The following STRADA variants were observed in gnomAD, a reference collection of about 807,000 sequenced individuals.
STRADA encodes STE20-related kinase adapter protein alpha.
Under a neutral mutation model 55.0 loss-of-function variants are expected in STRADA, and 26 were observed. The ratio of observed to expected loss-of-function variants is 0.47; its 90% CI spans 0.35 to 0.66. The LOEUF is 0.66. STRADA is among the 30% of genes least tolerant of loss of function. The pLI is 0.01. For synonymous variants in STRADA, 197 were observed against 210.9 expected (o/e 0.93, Z 0.57); for missense variants, 443 against 549.7 (o/e 0.81, Z 1.94).
At chr17:63,738,225 C>T (rs958342791) in intron 1 of STRADA, among the ~76,000 whole-genome samples, 3 of 150,600 alleles carry the variant, frequency 2.0e-5, no homozygotes, top group African/African-American at 7.3e-5. Flanking sequence ...CCTGTACTCC[C>T]AGCTACTTGG....
intron 1 of STRADA, among the ~76,000 whole-genome samples, chr17:63,730,276 T>C (rs914147600): frequency 1.3e-5 from 2 of 152,210 alleles, no homozygotes; most frequent in Non-Finnish European, 2.9e-5. Flanking sequence ...TATCAATGTA[T>C]TTTTCCATAC....
chr17:63,719,726 C>T (rs947261605), intron 4 of STRADA, among the ~76,000 whole-genome samples: 15 of 152,086 alleles, frequency 9.9e-5, no homozygotes, highest in African/African-American at 3.4e-4. Context: ...TCAGGTGATG[C>T]GCGCACCTCG....
Position 63,703,731 on chromosome 17 carries a change from C to T in STRADA, c.1164G>A (p.Glu388=). The change falls in exon 13 of 13, where the codon GAG becomes GAA. Residue 388 remains glutamate, a synonymous_variant. Transcript: ENST00000336174. ...CAGGACGAAGCAATTCGGGCAAAGC[C>T]TCTGAGGCACGTCGCTTGATCTGGG... ...FFKQIKRRAS[E]ALPELLRPVT... 1.2e-6 allele frequency: 2 copies of T among 1,614,136 alleles called. No homozygotes were observed. Among genetic ancestry groups the T allele is most frequent in the Non-Finnish European group, 1.7e-6 (2 of 1,179,996 alleles).
At chr17:63,708,013 C>T (rs539484678) in intron 8 of STRADA, among the ~76,000 whole-genome samples, 7 of 151,678 alleles carry the variant, frequency 4.6e-5, no homozygotes, top group Admixed American at 6.6e-5. Context: ...CTAGGATTAC[C>T]AGTGTGAACC....
intron 4 of STRADA, 83 bp from the exon 5 acceptor site, chr17:63,714,191 C>G: frequency 1.0e-6 from 1 of 977,262 alleles, no homozygotes; most frequent in Admixed American, 1.9e-5. Flanking sequence ...TTCAGACCCA[C>G]GAGGAGACTG....
At position 63,706,620 on chromosome 17, in the gene STRADA, G is replaced by A. The variant is rs139115897; in HGVS notation, c.858+15C>T. 1,556 of 1,601,794 alleles carry A rather than the reference G, an allele frequency of 9.7e-4. 8 individuals carry two copies. In the African/African-American group the frequency reaches 0.017, roughly 18 times the overall value. On this transcript the variant is annotated intron_variant, in intron 10 of 12. Transcript: ENST00000336174. ...GCAAGCAGGCAAGAAGGAAACCGAT[G>A]GGCGGCAGGCTTACCTGGGTGGCAG...
chr17:63,710,877 C>CCTTCAGTGCCATT, intron 6 of STRADA, 41 bp from the exon 7 acceptor site: 2 of 1,553,940 alleles, frequency 1.3e-6, no homozygotes, highest in Non-Finnish European at 1.8e-6. Context: ...CCAAATGGCA[C>CCTTCAGTGCCATT]TGAAGGATGC....
At chr17:63,739,862 T>C (rs1330762781) in intron 1 of STRADA, among the ~76,000 whole-genome samples, 2 of 147,534 alleles carry the variant, frequency 1.4e-5, no homozygotes, top group African/African-American at 4.9e-5. Context: ...CATAATTATA[T>C]GGCCCGGGAC....
intron 10 of STRADA, chr17:63,704,844 A>G: frequency 6.5e-7 from 1 of 1,535,886 alleles, no homozygotes; most frequent in South Asian, 1.2e-5. Context: ...GCTGGAAAGC[A>G]GGGCTCACAG....
chr17:63,733,087 AC>A (rs2038184024), intron 1 of STRADA, among the ~76,000 whole-genome samples: 1 of 152,118 alleles, frequency 6.6e-6, no homozygotes, highest in African/African-American at 2.4e-5. Context: ...ACAGGGTTTT[AC>A]CATGTTGGCC....
chr17:63,720,599 C>G (rs2037234489), intron 4 of STRADA, among the ~76,000 whole-genome samples: 1 of 150,718 alleles, frequency 6.6e-6, no homozygotes, highest in Non-Finnish European at 1.5e-5. Context: ...ACAGTGAAAC[C>G]CTGTCTCTAC....
chr17:63,710,670 G>A, intron 7 of STRADA, 56 bp from the exon 8 acceptor site: 1 of 1,613,898 alleles, frequency 6.2e-7, no homozygotes, highest in South Asian at 1.1e-5. Context: ...GAAAACACAG[G>A]CAATCTGACA....
intron 1 of STRADA, among the ~76,000 whole-genome samples, chr17:63,736,004 C>T (rs538651666): frequency 6.6e-6 from 1 of 152,150 alleles, no homozygotes; most frequent in African/African-American, 2.4e-5. Context: ...TGCAATGGTG[C>T]GATCTTGGCG....
At chr17:63,716,507 G>A (rs968071840) in intron 4 of STRADA, among the ~76,000 whole-genome samples, 4 of 152,262 alleles carry the variant, frequency 2.6e-5, no homozygotes, top group Admixed American at 6.5e-5. Context: ...TAATGAAGAT[G>A]AGGATCTTTT....
chr17:63,707,289 A>G lies in STRADA; in HGVS notation c.711T>C (p.Ser237=), dbSNP rs372014143. 129 of 1,614,020 alleles carry G rather than the reference A, an allele frequency of 8.0e-5. No individual in the cohort carries two copies. The highest frequency in any genetic ancestry group is 1.2e-4 in the Admixed American group (7 of 59,998). Residue 237 remains serine (S), a synonymous_variant, in exon 9 of 13, where the codon AGT becomes AGC. Coordinates refer to ENST00000336174, the MANE Select transcript of STRADA (RefSeq NM_001003787.4). ...QRVVHDFPKY[S]VKVLPWLSPE... ...GGCTGAGCCACGGCAGAACCTTGAC[A>G]CTGTACTTGGGAAAATCGTGGACCA...
chr17:63,704,283 T>C (rs1486671985), intron 11 of STRADA, 58 bp downstream of exon 11: 2 of 1,600,564 alleles, frequency 1.2e-6, no homozygotes, highest in Non-Finnish European at 1.7e-6. Flanking sequence ...CACCCTGGCC[T>C]TACCCTCCTG....
chr17:63,720,502 A>T (rs62077480), intron 4 of STRADA, among the ~76,000 whole-genome samples: 106,172 of 151,496 alleles, frequency 0.7, 38,618 homozygotes, highest in African/African-American at 0.92. Flanking sequence ...GGGCTGGGCG[A>T]GGTGGCTCAC....
At chr17:63,718,635 G>T (rs2037068329) in intron 4 of STRADA, among the ~76,000 whole-genome samples, 2 of 152,132 alleles carry the variant, frequency 1.3e-5, no homozygotes, top group Admixed American at 1.3e-4. Context: ...GCCTACCTCT[G>T]TGATCTCATT....
intron 5 of STRADA, 43 bp from the exon 6 acceptor site, chr17:63,713,570 A>G (rs1159746736): frequency 6.3e-7 from 1 of 1,591,468 alleles, no homozygotes; most frequent in African/African-American, 1.4e-5. Flanking sequence ...CAAGAACAAC[A>G]AAAGGTTTTA....
Sources: allele counts gnomAD v4.1 joint callset (sites outside exome capture counted in the v4.1 genomes callset), GRCh38; gene constraint gnomAD v4.1.1; transcripts MANE v1.5; gene names NCBI Gene and HGNC (gene_info 2026-07-23, HGNC 2026-07-21).